The following KIF5C variants were observed in gnomAD, a reference collection of about 807,000 sequenced individuals.
KIF5C encodes kinesin heavy chain isoform 5C.
In KIF5C, 18 loss-of-function variants were observed where a neutral mutation model predicts 125.2. The observed-to-expected ratio is 0.14, with a 90% CI of 0.10 to 0.21. The LOEUF (loss-of-function observed/expected upper bound fraction) is 0.21. Among genes scored for constraint, KIF5C ranks in the 10% least tolerant of loss-of-function variants. KIF5C has a pLI of 1.00. For synonymous variants in KIF5C, 405 were observed against 434.0 expected (o/e 0.93, Z 0.83); for missense variants, 780 against 1,183.8 (o/e 0.66, Z 5.01).
At chr2:148,923,882 A>C (rs959729404) in intron 2 of KIF5C, among the ~76,000 whole-genome samples, 1 of 152,224 alleles carries the variant, frequency 6.6e-6, no homozygotes, top group African/African-American at 2.4e-5. Context: ...ATTTCTCTAC[A>C]GTATGAAATG....
At chr2:148,972,038 G>A (rs905227580) in intron 11 of KIF5C, among the ~76,000 whole-genome samples, 11 of 152,088 alleles carry the variant, frequency 7.2e-5, no homozygotes, top group African/African-American at 2.7e-4. Flanking sequence ...GGGTTCAAGC[G>A]ACTCTTGTTC....
At chr2:148,907,283 T>A (rs1574718031) in intron 1 of KIF5C, among the ~76,000 whole-genome samples, 2 of 152,292 alleles carry the variant, frequency 1.3e-5, no homozygotes, top group South Asian at 4.1e-4. Context: ...TCCACCTGTG[T>A]CACAAGGACC....
intron 1 of KIF5C, among the ~76,000 whole-genome samples, chr2:148,904,185 A>G (rs548600358): frequency 2.7e-4 from 41 of 152,268 alleles, no homozygotes; most frequent in Non-Finnish European, 5.3e-4. Flanking sequence ...TGTTGTGTCA[A>G]CCCCATTGTC....
chr2:148,921,821 C>T (rs369422891), intron 1 of KIF5C, among the ~76,000 whole-genome samples: 8 of 152,074 alleles, frequency 5.3e-5, no homozygotes, highest in Non-Finnish European at 1.0e-4. Context: ...GCATCTAGCC[C>T]AGTGCCAGGC....
chr2:148,897,147 T>G (rs1035413720), intron 1 of KIF5C, among the ~76,000 whole-genome samples: 8 of 152,198 alleles, frequency 5.3e-5, no homozygotes, highest in African/African-American at 1.7e-4. Context: ...TCATGATTCA[T>G]TTTAACAAGA....
chr2:148,928,773 TC>T (rs1416469645), intron 2 of KIF5C, among the ~76,000 whole-genome samples: 2 of 151,990 alleles, frequency 1.3e-5, no homozygotes, highest in African/African-American at 4.8e-5. Flanking sequence ...GCCCTTTTCC[TC>T]CCCCACCTCT....
At position 148,922,139 on chromosome 2, in the gene KIF5C, A is replaced by G. The variant is rs1464207697; in HGVS notation, c.129A>G (p.Gln43=). The G allele has an allele frequency of 6.2e-7, 1 of 1,600,030 alleles. No individual in the cohort carries two copies. The highest frequency in any genetic ancestry group is 8.5e-7 in the Non-Finnish European group (1 of 1,173,844). Residue 43 remains glutamine (Q), a splice_region_variant and synonymous_variant, in exon 2 of 26, where the codon CAA becomes CAG. Transcript: ENST00000435030. ...TTCCCTTTGTCTTTCTTTTTTAGCAAGGGAAGCCATATGTCTTCGACAGAG... is the reference window on the plus strand; with the variant it reads ...TTCCCTTTGTCTTTCTTTTTTAGCAGGGGAAGCCATATGTCTTCGACAGAG... ...FKGDETVVIG[Q]GKPYVFDRVL... is the part of the protein sequence containing the mutation.
At chr2:148,994,225 C>A (rs1377168018) in intron 16 of KIF5C, among the ~76,000 whole-genome samples, 196 bp from the exon 17 acceptor site, 1 of 152,122 alleles carries the variant, frequency 6.6e-6, no homozygotes, top group African/African-American at 2.4e-5. Context: ...AGCCGAGAAG[C>A]ACAGGGAGAA....
At chr2:148,935,873 C>G (rs1682279702) in intron 3 of KIF5C, among the ~76,000 whole-genome samples, 1 of 152,164 alleles carries the variant, frequency 6.6e-6, no homozygotes, top group African/African-American at 2.4e-5. Context: ...CTGGCCATCC[C>G]TATCTTTAGG....
intron 1 of KIF5C, among the ~76,000 whole-genome samples, chr2:148,887,747 G>T (rs1464156412): frequency 6.6e-6 from 1 of 151,576 alleles, no homozygotes; most frequent in Non-Finnish European, 1.5e-5. Context: ...TTTGTTACTT[G>T]GGTATCTTGC....
At chr2:148,938,780 C>T (rs1682344781) in intron 4 of KIF5C, among the ~76,000 whole-genome samples, 1 of 151,980 alleles carries the variant, frequency 6.6e-6, no homozygotes, top group Non-Finnish European at 1.5e-5. Context: ...GATGAGGAAA[C>T]GGAAGTTTAA....
intron 17 of KIF5C, among the ~76,000 whole-genome samples, 191 bp downstream of exon 17, chr2:148,994,729 G>T (rs1444405014): frequency 1.3e-5 from 2 of 150,808 alleles, no homozygotes; most frequent in Non-Finnish European, 3.0e-5. Context: ...TTAAGATGGA[G>T]TCTCGCTCTG....
In KIF5C at chr2:148,929,359, G is replaced by C; in HGVS notation, c.291+5G>C. ...GGAAAAACCCACACCATGGAGGTAA[G>C]ATTACAATGTGCTCTAATGCGAATC... On this transcript the variant is annotated splice_donor_5th_base_variant and intron_variant, in intron 3 of 25. Transcript: ENST00000435030. 1 of 1,521,680 alleles carries C rather than the reference G, an allele frequency of 6.6e-7. No homozygotes were observed. Among genetic ancestry groups the C allele is most frequent in the Non-Finnish European group, 8.8e-7 (1 of 1,132,764 alleles). 94.3% of individuals were successfully genotyped at this position (1,521,680 alleles called of 1,614,324 possible).
At chr2:148,892,956 GAC>G (rs1436555143) in intron 1 of KIF5C, among the ~76,000 whole-genome samples, 1 of 152,042 alleles carries the variant, frequency 6.6e-6, no homozygotes, top group Non-Finnish European at 1.5e-5. Context: ...TCCAGATGTA[GAC>G]TTTTACTTTC....
intron 24 of KIF5C, 71 bp from the exon 25 acceptor site, chr2:149,011,499 G>A: frequency 1.9e-6 from 3 of 1,583,968 alleles, no homozygotes; most frequent in South Asian, 1.1e-5. Context: ...CAGGTGACCT[G>A]TAGATATCAG....
chr2:148,932,980 G>A (rs998854611), intron 3 of KIF5C, among the ~76,000 whole-genome samples: 19 of 152,072 alleles, frequency 1.2e-4, no homozygotes, highest in African/African-American at 4.1e-4. Flanking sequence ...AAAAGTTTGC[G>A]GATAGAATTA....
At chr2:148,906,977 T>G (rs1187940867) in intron 1 of KIF5C, among the ~76,000 whole-genome samples, 2 of 152,174 alleles carry the variant, frequency 1.3e-5, no homozygotes, top group East Asian at 3.8e-4. Flanking sequence ...GAAGGATCAC[T>G]TGAGTCCAGA....
intron 11 of KIF5C, among the ~76,000 whole-genome samples, chr2:148,971,451 T>C (rs1680906612): frequency 6.6e-6 from 1 of 152,194 alleles, no homozygotes; most frequent in Non-Finnish European, 1.5e-5. Flanking sequence ...AAATCCAGTC[T>C]GCACACTAAG....
chr2:148,921,837 G>T (rs977690340), intron 1 of KIF5C, among the ~76,000 whole-genome samples: 35 of 152,224 alleles, frequency 2.3e-4, no homozygotes, highest in South Asian at 1.0e-3. Context: ...CAGGCTCTGT[G>T]TAAGTGCTCA....
Sources: gnomAD v4.1 joint callset for allele counts (sites outside exome capture counted in the v4.1 genomes callset) on GRCh38, gnomAD v4.1.1 for gene constraint, MANE v1.5 for transcripts, NCBI Gene and HGNC (gene_info 2026-07-23, HGNC 2026-07-21) for gene names.